SERGEF: variants seen among roughly 807,000 people sequenced by gnomAD.
The protein encoded by SERGEF is secretion-regulating guanine nucleotide exchange factor.
Under a neutral mutation model 50.0 loss-of-function variants are expected in SERGEF, and 51 were observed. The observed-to-expected ratio is 1.02, with a 90% CI of 0.81 to 1.29. The LOEUF (loss-of-function observed/expected upper bound fraction) is 1.29. Among genes scored for constraint, SERGEF ranks in the 50% most tolerant of loss-of-function variants. The pLI is 0.00. For missense variants in SERGEF, 521 were observed against 557.0 expected (o/e 0.94, Z 0.65); for synonymous variants, 205 against 212.4 (o/e 0.97, Z 0.30).
At chr11:17,920,224 G>T (rs1258355058) in intron 9 of SERGEF, among the ~76,000 whole-genome samples, 6 of 152,164 alleles carry the variant, frequency 3.9e-5, no homozygotes, top group African/African-American at 1.4e-4. Flanking sequence ...TCCAGCCTGG[G>T]CAATAGAGCG....
At chr11:17,885,183 G>C (rs1002260655) in intron 9 of SERGEF, among the ~76,000 whole-genome samples, 3 of 152,150 alleles carry the variant, frequency 2.0e-5, no homozygotes, top group African/African-American at 7.2e-5. Context: ...TCCAGATCCT[G>C]TTAATCCTGC....
intron 9 of SERGEF, among the ~76,000 whole-genome samples, chr11:17,929,978 T>C (rs902745061): frequency 6.6e-6 from 1 of 152,196 alleles, no homozygotes. Flanking sequence ...TAGGATTCGA[T>C]ACATATTCAC....
chr11:17,867,060 T>C (rs2905934), intron 10 of SERGEF, among the ~76,000 whole-genome samples: 93,934 of 152,058 alleles, frequency 0.62, 29,365 homozygotes, highest in East Asian at 0.86. Flanking sequence ...CATATCATTC[T>C]GCCCCTGGCC....
At chr11:17,963,543 A>C (rs1853060152) in intron 8 of SERGEF, among the ~76,000 whole-genome samples, 1 of 151,756 alleles carries the variant, frequency 6.6e-6, no homozygotes, top group Non-Finnish European at 1.5e-5. Flanking sequence ...ATGCACCACC[A>C]TCCGGCCAAT....
intron 9 of SERGEF, among the ~76,000 whole-genome samples, chr11:17,910,701 G>A (rs1472488668): frequency 6.6e-6 from 1 of 151,970 alleles, no homozygotes; most frequent in Non-Finnish European, 1.5e-5. Context: ...TAGGCGAAGA[G>A]GACATAGAGA....
At chr11:17,940,050 A>G (rs979326343) in intron 9 of SERGEF, among the ~76,000 whole-genome samples, 1 of 152,240 alleles carries the variant, frequency 6.6e-6, no homozygotes, top group Admixed American at 6.5e-5. Flanking sequence ...CTAATAAAAC[A>G]GGCAGTATAC....
chr11:17,975,279 A>G (rs1853347075), intron 8 of SERGEF, among the ~76,000 whole-genome samples: 1 of 152,190 alleles, frequency 6.6e-6, no homozygotes, highest in Non-Finnish European at 1.5e-5. Flanking sequence ...CAAAATTTGT[A>G]TATGGATTAA....
At chr11:17,817,294 A>G (rs1849995225) in intron 10 of SERGEF, among the ~76,000 whole-genome samples, 2 of 151,226 alleles carry the variant, frequency 1.3e-5, no homozygotes, top group Non-Finnish European at 2.9e-5. Flanking sequence ...GGCTCACTGC[A>G]AGTTCCGCCT....
At chr11:17,924,099 C>T (rs1177921249) in intron 9 of SERGEF, among the ~76,000 whole-genome samples, 3 of 152,116 alleles carry the variant, frequency 2.0e-5, no homozygotes, top group African/African-American at 7.2e-5. Context: ...TATCCCAATC[C>T]CTGACTGAGA....
chr11:17,951,468 C>T (rs1357878307), intron 9 of SERGEF, among the ~76,000 whole-genome samples: 1 of 152,196 alleles, frequency 6.6e-6, no homozygotes, highest in Non-Finnish European at 1.5e-5. Context: ...GTCCATCAGA[C>T]CTCCAACTCC....
At chr11:17,864,985 C>A (rs769012457) in intron 10 of SERGEF, among the ~76,000 whole-genome samples, 1 of 152,228 alleles carries the variant, frequency 6.6e-6, no homozygotes, top group Non-Finnish European at 1.5e-5. Flanking sequence ...GCACACCTGA[C>A]TTATACCAGG....
At chr11:17,835,259 A>G (rs1850379486) in intron 10 of SERGEF, among the ~76,000 whole-genome samples, 1 of 152,172 alleles carries the variant, frequency 6.6e-6, no homozygotes, top group East Asian at 1.9e-4. Flanking sequence ...TTCGTTGCCA[A>G]TACCGGTTTG....
intron 10 of SERGEF, among the ~76,000 whole-genome samples, chr11:17,843,804 A>C (rs61055543): frequency 0.022 from 3,287 of 152,232 alleles, 124 homozygotes; most frequent in African/African-American, 0.071. Flanking sequence ...TAGTGAGAGG[A>C]GCACTCTAGG....
chr11:17,824,947 G>A (rs561405500), intron 10 of SERGEF, among the ~76,000 whole-genome samples: 62 of 152,232 alleles, frequency 4.1e-4, no homozygotes, highest in African/African-American at 1.2e-3. Flanking sequence ...TATTATTTCC[G>A]ATGTCTAGCA....
At chr11:17,840,622 T>C (rs1346761608) in intron 10 of SERGEF, among the ~76,000 whole-genome samples, 1 of 152,064 alleles carries the variant, frequency 6.6e-6, no homozygotes, top group Non-Finnish European at 1.5e-5. Flanking sequence ...GGAGAACTGA[T>C]GTAGTTACTG....
intron 10 of SERGEF, among the ~76,000 whole-genome samples, chr11:17,877,602 T>G (rs1185508876): frequency 6.6e-6 from 1 of 152,230 alleles, no homozygotes; most frequent in East Asian, 1.9e-4. Flanking sequence ...GTCTCTTTAA[T>G]GTACTGTGAG....
intron 9 of SERGEF, among the ~76,000 whole-genome samples, chr11:17,903,047 T>A (rs959198194): frequency 6.6e-6 from 1 of 152,256 alleles, no homozygotes; most frequent in Non-Finnish European, 1.5e-5. Context: ...GGACTCATAA[T>A]TTATTAGCTG....
At chr11:18,000,753 C>T (rs770357441) in intron 4 of SERGEF, 196 bp from the exon 5 acceptor site, 60 of 690,178 alleles carry the variant, frequency 8.7e-5, no homozygotes, top group Non-Finnish European at 1.6e-4. Flanking sequence ...TTTTAAAATA[C>T]CATATCACAA....
At chr11:17,971,947 C>T (rs984292015) in intron 8 of SERGEF, among the ~76,000 whole-genome samples, 6 of 152,118 alleles carry the variant, frequency 3.9e-5, no homozygotes, top group Admixed American at 3.3e-4. Context: ...GCATGGATGA[C>T]TTTGAGGGAT....
Sources: gnomAD v4.1 joint callset for allele counts (sites outside exome capture counted in the v4.1 genomes callset) on GRCh38, gnomAD v4.1.1 for gene constraint, MANE v1.5 for transcripts, NCBI Gene and HGNC (gene_info 2026-07-23, HGNC 2026-07-21) for gene names.